EFNA5: variants seen among roughly 807,000 people sequenced by gnomAD.
EFNA5 encodes the protein ephrin A5, also known as ephrin-A5.
EFNA5 carries 5 observed loss-of-function variants against 22.9 expected under a neutral mutation model. The observed-to-expected ratio is 0.22, with a 90% confidence interval of 0.11 to 0.46. The LOEUF is 0.46. Ranked by LOEUF, EFNA5 falls within the 20% of genes least tolerant of loss-of-function variation. EFNA5 has a pLI of 0.99. For missense variants in EFNA5, 237 were observed against 293.3 expected, an observed-to-expected ratio of 0.81 and a Z score of 1.40; for synonymous variants, 113 against 112.2, an observed-to-expected ratio of 1.01 and a Z score of -0.04.
intron 1 of EFNA5, among the ~76,000 whole-genome samples, chr5:107,457,150 A>G (rs1016395897): frequency 1.3e-5 from 2 of 152,166 alleles, no homozygotes; most frequent in Admixed American, 6.6e-5. Context: ...TTTTTAACAG[A>G]TGTAAAGTGT....
At chr5:107,462,142 C>T (rs1249807001) in intron 1 of EFNA5, among the ~76,000 whole-genome samples, 2 of 152,078 alleles carry the variant, frequency 1.3e-5, no homozygotes, top group Non-Finnish European at 1.5e-5. Flanking sequence ...CACGCAAAAA[C>T]GCCAAGGTCC....
intron 1 of EFNA5, among the ~76,000 whole-genome samples, chr5:107,588,124 T>G (rs1464773211): frequency 6.6e-6 from 1 of 152,214 alleles, no homozygotes; most frequent in Non-Finnish European, 1.5e-5. Context: ...AAATATGGGT[T>G]GGCAAGAAGT....
rs139027549 is a variant in EFNA5, at chr5:107,470,516, A to C, written c.126-43007T>G. Among the ~76,000 whole-genome samples, 1,171 of 152,302 alleles carry C rather than the reference A, an allele frequency of 7.7e-3. 19 individuals are homozygous for C. The highest frequency in any genetic ancestry group is 0.027 in the African/African-American group (1,129 of 41,580). On this transcript the variant is annotated intron_variant, in intron 1 of 4. Coordinates refer to ENST00000333274, the MANE Select transcript of EFNA5 (RefSeq NM_001962.3). ...GTCTGTGTCAGTCTTATTTGATTAA[A>C]ATTGGAGGACTAAACAGAGAAGCTG...
chr5:107,523,546 AAGAAGGAAGAC>A (rs1199916801), intron 1 of EFNA5, among the ~76,000 whole-genome samples: 1 of 152,218 alleles, frequency 6.6e-6, no homozygotes, highest in Non-Finnish European at 1.5e-5. Flanking sequence ...TCGGCCTGCT[AAGAAGGAAGAC>A]AGTGGCATAA....
At chr5:107,489,260 G>A (rs1025324240) in intron 1 of EFNA5, among the ~76,000 whole-genome samples, 2 of 152,044 alleles carry the variant, frequency 1.3e-5, no homozygotes, top group Non-Finnish European at 2.9e-5. Flanking sequence ...TGCAACCGCC[G>A]CCTTCCAGGT....
At chr5:107,420,900 C>G (rs974655152) in intron 2 of EFNA5, among the ~76,000 whole-genome samples, 3 of 152,140 alleles carry the variant, frequency 2.0e-5, no homozygotes, top group Non-Finnish European at 4.4e-5. Context: ...GGAAAACTTG[C>G]ACTTCTACGA....
intron 2 of EFNA5, among the ~76,000 whole-genome samples, chr5:107,401,090 T>C (rs1443014047): frequency 1.3e-5 from 2 of 152,208 alleles, no homozygotes; most frequent in East Asian, 1.9e-4. Context: ...GAAAAAAGGA[T>C]AACCATCCTT....
chr5:107,565,856 G>T (rs1291620428), intron 1 of EFNA5, among the ~76,000 whole-genome samples: 1 of 152,232 alleles, frequency 6.6e-6, no homozygotes, highest in East Asian at 1.9e-4. Context: ...CTGTTAGGAA[G>T]AAGATGGAGG....
intron 1 of EFNA5, among the ~76,000 whole-genome samples, chr5:107,458,397 T>C (rs1749748631): frequency 6.6e-6 from 1 of 151,904 alleles, no homozygotes; most frequent in South Asian, 2.1e-4. Context: ...TTTTGAGATG[T>C]AAAGGTGGGA....
intron 1 of EFNA5, among the ~76,000 whole-genome samples, chr5:107,484,310 G>T (rs1210052505): frequency 6.6e-6 from 1 of 152,176 alleles, no homozygotes; most frequent in Non-Finnish European, 1.5e-5. Context: ...GGTTCTCCAA[G>T]CCGCTGTTCC....
intron 1 of EFNA5, among the ~76,000 whole-genome samples, chr5:107,487,149 G>A (rs548896244): frequency 1.3e-5 from 2 of 152,190 alleles, no homozygotes; most frequent in South Asian, 2.1e-4. Flanking sequence ...TATTCCTGCC[G>A]TCAGCACTCT....
At chr5:107,386,689 C>T (rs1223173602) in intron 4 of EFNA5, among the ~76,000 whole-genome samples, 1 of 152,070 alleles carries the variant, frequency 6.6e-6, no homozygotes, top group Non-Finnish European at 1.5e-5. Context: ...TTCTCCAGAC[C>T]AATTACTATT....
intron 1 of EFNA5, among the ~76,000 whole-genome samples, chr5:107,619,459 T>C (rs1179456321): frequency 1.3e-5 from 2 of 151,704 alleles, no homozygotes; most frequent in African/African-American, 4.9e-5. Context: ...CTACATCAGC[T>C]GGACTTTCTT....
intron 2 of EFNA5, among the ~76,000 whole-genome samples, chr5:107,426,330 C>T (rs189166608): frequency 3.3e-4 from 51 of 152,268 alleles, no homozygotes; most frequent in Admixed American, 1.4e-3. Context: ...TAGCTACCAC[C>T]TATAATCTTG....
intron 1 of EFNA5, among the ~76,000 whole-genome samples, chr5:107,578,564 T>A (rs545226130): frequency 6.6e-6 from 1 of 151,846 alleles, no homozygotes; most frequent in African/African-American, 2.4e-5. Context: ...AAAATTGTAA[T>A]ATATGTAAAA....
At chr5:107,414,064 T>C (rs771926826) in intron 2 of EFNA5, among the ~76,000 whole-genome samples, 1 of 152,180 alleles carries the variant, frequency 6.6e-6, no homozygotes, top group Non-Finnish European at 1.5e-5. Flanking sequence ...CCATTCCTAC[T>C]TTAAGCCAAT....
chr5:107,576,895 G>A (rs1580539150), intron 1 of EFNA5, among the ~76,000 whole-genome samples: 1 of 152,180 alleles, frequency 6.6e-6, no homozygotes, highest in East Asian at 1.9e-4. Context: ...CAGTCAAATT[G>A]TTGCACATAT....
chr5:107,648,600 T>C (rs904461587), intron 1 of EFNA5, among the ~76,000 whole-genome samples: 2 of 152,020 alleles, frequency 1.3e-5, no homozygotes, highest in Non-Finnish European at 2.9e-5. Context: ...AAATTAAGAG[T>C]TTACTCAGAT....
At chr5:107,624,338 T>C (rs1305295372) in intron 1 of EFNA5, among the ~76,000 whole-genome samples, 1 of 152,142 alleles carries the variant, frequency 6.6e-6, no homozygotes, top group African/African-American at 2.4e-5. Flanking sequence ...ACAACATTCA[T>C]GGTTTTCATT....
Sources: allele counts gnomAD v4.1 joint callset (sites outside exome capture counted in the v4.1 genomes callset), GRCh38; gene constraint gnomAD v4.1.1; transcripts MANE v1.5; gene names NCBI Gene and HGNC (gene_info 2026-07-23, HGNC 2026-07-21).